SIAH1: variants seen among roughly 807,000 people sequenced by gnomAD.
SIAH1 encodes E3 ubiquitin-protein ligase SIAH1.
In SIAH1, 2 loss-of-function variants were observed where a neutral mutation model predicts 20.0. The observed-to-expected ratio is 0.10, with a 90% confidence interval of 0.04 to 0.31. The LOEUF is 0.31. Ranked by LOEUF, SIAH1 falls within the 10% of genes least tolerant of loss-of-function variation. The pLI is 1.00. For synonymous variants in SIAH1, 118 were observed against 125.3 expected (o/e 0.94, Z 0.39); for missense variants, 119 against 355.3 (o/e 0.33, Z 5.35).
intron 1 of SIAH1, among the ~76,000 whole-genome samples, chr16:48,382,087 A>C (rs1276257683): frequency 6.6e-6 from 1 of 152,154 alleles, no homozygotes; most frequent in Non-Finnish European, 1.5e-5. Context: ...GCAGGCAAAA[A>C]GATTGGAGGC....
chr16:48,385,589 G>A (rs1961440949), upstream of SIAH1: 1 of 152,002 alleles, frequency 6.6e-6, no homozygotes, highest in African/African-American at 2.4e-5. Flanking sequence ...CTCCAAAGGC[G>A]GCAGTAGGTG....
chr16:48,375,830 C>T (rs774101653), intron 1 of SIAH1, among the ~76,000 whole-genome samples: 1 of 152,106 alleles, frequency 6.6e-6, no homozygotes, highest in Non-Finnish European at 1.5e-5. Context: ...GGAAGGACAT[C>T]CAAACTGCAG....
chr16:48,378,846 A>G (rs900375672), intron 1 of SIAH1, among the ~76,000 whole-genome samples: 6 of 152,126 alleles, frequency 3.9e-5, no homozygotes, highest in Non-Finnish European at 7.3e-5. Context: ...TGCATCTTCC[A>G]TCTAAGATGT....
At chr16:48,375,686 A>G (rs549528497) in intron 1 of SIAH1, among the ~76,000 whole-genome samples, 20 of 152,316 alleles carry the variant, frequency 1.3e-4, no homozygotes, top group African/African-American at 4.8e-4. Flanking sequence ...AAAAAAAGCT[A>G]CAGAATATAC....
intron 1 of SIAH1, among the ~76,000 whole-genome samples, chr16:48,380,465 A>AAC (rs1449970617): frequency 1.3e-5 from 2 of 151,206 alleles, no homozygotes; most frequent in African/African-American, 4.9e-5. Flanking sequence ...AAAACAAACA[A>AAC]AAAAAAAACA....
intron 1 of SIAH1, among the ~76,000 whole-genome samples, chr16:48,377,982 T>C (rs542002009): frequency 2.0e-4 from 31 of 152,044 alleles, no homozygotes; most frequent in Non-Finnish European, 3.1e-4. Context: ...GCTGGTAACT[T>C]TGTCATGGAT....
intron 1 of SIAH1, chr16:48,365,471 C>T: frequency 6.2e-7 from 1 of 1,613,248 alleles, no homozygotes; most frequent in Non-Finnish European, 8.5e-7. Context: ...GTAGCCTTTC[C>T]CGTCATGAGA....
At position 48,360,945 on chromosome 16, in the gene SIAH1, T is replaced by TG. The variant is rs1462344249; in HGVS notation, c.*634dup. 2 of 152,006 alleles carry TG rather than the reference T, an allele frequency of 1.3e-5. No homozygotes were observed. The highest frequency in any genetic ancestry group is 4.8e-5 in the African/African-American group (2 of 41,364). 9.4% of individuals were successfully genotyped at this position (152,006 alleles called of 1,614,324 possible). ...AAAATATTTCTAATGAACTGATTAA[T>TG]GGGGGAAAAGAAAATATTGAACACG... On this transcript the variant is annotated 3_prime_UTR_variant, in exon 2 of 2. Transcript: ENST00000394725.
intron 1 of SIAH1, among the ~76,000 whole-genome samples, chr16:48,384,846 G>C (rs1037247609): frequency 1.4e-5 from 2 of 147,008 alleles, no homozygotes; most frequent in Admixed American, 6.7e-5. Flanking sequence ...GGGGCGCGCC[G>C]GGCGCCACCC....
At position 48,362,461 on chromosome 16, in the gene SIAH1, AAAT is replaced by A. The variant is rs1960630050; in HGVS notation, c.-2-34_-2-32del. The A allele has an allele frequency of 1.2e-6, 2 of 1,606,340 alleles. No homozygotes were observed. The highest frequency in any genetic ancestry group is 1.1e-5 in the South Asian group (1 of 90,374). Reference sequence around the variant, plus strand: ...ATAAATACATAAGGAGGCAGGAGAAAAATAATTATAACCATGACTTACTTTATA... The same window carrying A: ...ATAAATACATAAGGAGGCAGGAGAAAAATTATAACCATGACTTACTTTATA... On this transcript the variant is annotated intron_variant, in intron 1 of 1. Coordinates refer to ENST00000394725, the MANE Select transcript of SIAH1 (RefSeq NM_003031.4). The surrounding 1 kb of genome is among the most constrained non-coding windows in gnomAD (Gnocchi z 4.2).
chr16:48,365,862 C>A, intron 1 of SIAH1: 1 of 1,249,256 alleles, frequency 8.0e-7, no homozygotes, highest in Non-Finnish European at 1.0e-6. Flanking sequence ...GAAGTGCGCT[C>A]CCTGAGCCAG....
chr16:48,365,290 G>C, intron 1 of SIAH1: 1 of 1,281,078 alleles, frequency 7.8e-7, no homozygotes, highest in Admixed American at 2.2e-5. Context: ...GAAACGTCTC[G>C]ATTCTGCTGC....
At chr16:48,369,752 T>C (rs1170005886) in intron 1 of SIAH1, among the ~76,000 whole-genome samples, 1 of 152,168 alleles carries the variant, frequency 6.6e-6, no homozygotes, top group Admixed American at 6.5e-5. Context: ...AAGATCCCCC[T>C]AAAACAATGC....
chr16:48,380,217 AGAT>A (rs1253708036), intron 1 of SIAH1, among the ~76,000 whole-genome samples: 1 of 151,690 alleles, frequency 6.6e-6, no homozygotes, highest in Non-Finnish European at 1.5e-5. Context: ...TGAGGCAGGC[AGAT>A]CACTTGAGGC....
chr16:48,381,353 C>G (rs1961287873), intron 1 of SIAH1, among the ~76,000 whole-genome samples: 1 of 152,116 alleles, frequency 6.6e-6, no homozygotes, highest in Non-Finnish European at 1.5e-5. Context: ...AAAAAAACAG[C>G]AGCAAAACAA....
At chr16:48,383,393 GTCC>G (rs771568432) in intron 1 of SIAH1, among the ~76,000 whole-genome samples, 1 of 152,122 alleles carries the variant, frequency 6.6e-6, no homozygotes, top group Non-Finnish European at 1.5e-5. Flanking sequence ...CCAGTCTAAA[GTCC>G]TCCTAACAAC....
Position 48,361,476 on chromosome 16 carries a change from GCTT to G in SIAH1, c.*101_*103del. The G allele has an allele frequency of 8.9e-7, 1 of 1,127,042 alleles. No individual in the cohort carries two copies. Among genetic ancestry groups the G allele is most frequent in the Non-Finnish European group, 1.3e-6 (1 of 756,526 alleles). The allele number at this position is 1,127,042 out of a possible 1,614,324, so 69.8% of individuals were successfully genotyped here. A position where few individuals can be genotyped will look rare whatever the true frequency, so the allele number is the denominator to read the frequency against. On this transcript the variant is annotated 3_prime_UTR_variant, in exon 2 of 2. Coordinates refer to ENST00000394725, the MANE Select transcript of SIAH1 (RefSeq NM_003031.4). ...CTTTTTATTTACCTTCATGTGTCTAGCTTCCACCTACCGAAAGAGTTTTAGGTT... is the reference window on the plus strand; with the variant it reads ...CTTTTTATTTACCTTCATGTGTCTAGCCACCTACCGAAAGAGTTTTAGGTT...
chr16:48,369,614 C>T (rs940867512), intron 1 of SIAH1, among the ~76,000 whole-genome samples: 1 of 151,836 alleles, frequency 6.6e-6, no homozygotes, highest in African/African-American at 2.4e-5. Context: ...GTGGTGGCAT[C>T]CGCTGTAGAG....
intron 1 of SIAH1, among the ~76,000 whole-genome samples, chr16:48,366,193 G>T (rs1960835072): frequency 6.6e-6 from 1 of 152,150 alleles, no homozygotes; most frequent in Non-Finnish European, 1.5e-5. Flanking sequence ...CGGTAGGTCA[G>T]AACAGTCGAA....
Sources: allele counts gnomAD v4.1 joint callset (sites outside exome capture counted in the v4.1 genomes callset), GRCh38; gene constraint gnomAD v4.1.1; non-coding constraint Gnocchi (gnomAD v3.1); transcripts MANE v1.5; gene names NCBI Gene and HGNC (gene_info 2026-07-23, HGNC 2026-07-21).